JMJD1C: variants seen among roughly 807,000 people sequenced by gnomAD.
JMJD1C encodes jumonji domain containing 1C.
In JMJD1C, 31 loss-of-function variants were observed where a neutral mutation model predicts 245.3. That is an observed-to-expected ratio of 0.13 (90% CI 0.09 to 0.17). The LOEUF is 0.17. Among genes scored for constraint, JMJD1C ranks in the 10% least tolerant of loss-of-function variants. The probability of loss-of-function intolerance (pLI) is 1.00; values close to 1 mark genes in which losing one functional copy is unlikely to be tolerated. For synonymous variants in JMJD1C, 1,057 were observed against 1,017.4 expected, an observed-to-expected ratio of 1.04 and a Z score of -0.74; for missense variants, 2,691 against 3,000.2, an observed-to-expected ratio of 0.90 and a Z score of 2.41.
intron 2 of JMJD1C, among the ~76,000 whole-genome samples, chr10:63,302,194 T>G: frequency 6.6e-6 from 1 of 151,480 alleles, no homozygotes; most frequent in East Asian, 1.9e-4. Flanking sequence ...ATTTAACAGA[T>G]AGTTAGGCTG....
At chr10:63,428,053 T>A in intron 1 of JMJD1C, 1 of 587,210 alleles carries the variant, frequency 1.7e-6, no homozygotes, top group Admixed American at 2.9e-5. Context: ...GCCCTAAAAA[T>A]ACACACAACA....
intron 2 of JMJD1C, among the ~76,000 whole-genome samples, chr10:63,313,337 T>G (rs953935786): frequency 6.6e-6 from 1 of 152,202 alleles, no homozygotes; most frequent in Non-Finnish European, 1.5e-5. Context: ...CTTTATCCAC[T>G]CCTTGATTGA....
chr10:63,485,861 G>T (rs1953976559), intron 1 of JMJD1C, among the ~76,000 whole-genome samples: 1 of 152,134 alleles, frequency 6.6e-6, no homozygotes, highest in South Asian at 2.1e-4. Context: ...GGATCCAAAA[G>T]TGAACAGGAC....
chr10:63,486,776 A>G (rs925652663), intron 1 of JMJD1C, among the ~76,000 whole-genome samples: 5 of 152,276 alleles, frequency 3.3e-5, no homozygotes, highest in South Asian at 2.1e-4. Context: ...ATCTACTCTA[A>G]TATTACCCTA....
intron 1 of JMJD1C, among the ~76,000 whole-genome samples, chr10:63,485,080 AAAAT>A (rs1314745095): frequency 6.6e-6 from 1 of 151,502 alleles, no homozygotes; most frequent in Non-Finnish European, 1.5e-5. Flanking sequence ...CATAAAGATT[AAAAT>A]AAATAATTTA....
At chr10:63,444,618 ACTAT>A (rs1173241021) in intron 1 of JMJD1C, among the ~76,000 whole-genome samples, 11 of 143,252 alleles carry the variant, frequency 7.7e-5, no homozygotes, top group Admixed American at 7.0e-5. Flanking sequence ...CTGAATACCT[ACTAT>A]CTTTTTTTTT....
chr10:63,399,935 TA>T (rs58364547), intron 1 of JMJD1C, among the ~76,000 whole-genome samples: 2 of 151,190 alleles, frequency 1.3e-5, no homozygotes, highest in Non-Finnish European at 1.5e-5. Flanking sequence ...TTCCATTTTT[TA>T]AAAAAAAATA....
At chr10:63,433,586 CTTT>C (rs539696706) in intron 1 of JMJD1C, among the ~76,000 whole-genome samples, 1 of 86,836 alleles carries the variant, frequency 1.2e-5, no homozygotes, top group Non-Finnish European at 2.8e-5. Flanking sequence ...CTTTTCTTTT[CTTT>C]TTTTTTTTTT....
intron 3 of JMJD1C, among the ~76,000 whole-genome samples, chr10:63,245,008 G>A (rs950263118): frequency 2.6e-5 from 4 of 151,726 alleles, no homozygotes; most frequent in African/African-American, 7.2e-5. Context: ...ATGGTGGCAG[G>A]TGCCTGTAAT....
intron 1 of JMJD1C, among the ~76,000 whole-genome samples, chr10:63,505,893 A>G (rs1954704179): frequency 6.8e-6 from 1 of 147,750 alleles, no homozygotes; most frequent in South Asian, 2.2e-4. Flanking sequence ...GGGATTCAGA[A>G]TCGAAGCCTG....
At chr10:63,289,600 T>C (rs1858402593) in intron 2 of JMJD1C, among the ~76,000 whole-genome samples, 1 of 152,222 alleles carries the variant, frequency 6.6e-6, no homozygotes, top group Non-Finnish European at 1.5e-5. Context: ...TGTTTGCATG[T>C]AGTTTAAATT....
chr10:63,235,733 C>G (rs10761727), intron 3 of JMJD1C, among the ~76,000 whole-genome samples: 5 of 151,932 alleles, frequency 3.3e-5, no homozygotes, highest in African/African-American at 1.2e-4. Context: ...TCCAAAATCA[C>G]ACAGCTAGAA....
chr10:63,251,724 G>A (rs1023135523), intron 3 of JMJD1C, among the ~76,000 whole-genome samples: 2 of 152,152 alleles, frequency 1.3e-5, no homozygotes, highest in Admixed American at 6.6e-5. Flanking sequence ...GCTGTCTGTT[G>A]CCCACTTCTT....
chr10:63,247,655 C>A (rs1852402475), intron 3 of JMJD1C, among the ~76,000 whole-genome samples: 1 of 137,568 alleles, frequency 7.3e-6, no homozygotes, highest in Non-Finnish European at 1.5e-5. Context: ...TTGCTTGGGC[C>A]AGAGAGGCGA....
chr10:63,313,113 C>T (rs944272128), intron 2 of JMJD1C, among the ~76,000 whole-genome samples: 2 of 152,108 alleles, frequency 1.3e-5, no homozygotes, highest in Non-Finnish European at 2.9e-5. Flanking sequence ...CCATTTCCCC[C>T]GCAAGGCCCC....
At chr10:63,351,974 T>C (rs915149348) in intron 2 of JMJD1C, among the ~76,000 whole-genome samples, 3 of 152,184 alleles carry the variant, frequency 2.0e-5, no homozygotes, top group Non-Finnish European at 4.4e-5. Context: ...TAGAGAAACC[T>C]ACCTCCATTC....
intron 16 of JMJD1C, among the ~76,000 whole-genome samples, chr10:63,191,448 T>C (rs1234517275): frequency 2.0e-5 from 3 of 152,136 alleles, no homozygotes; most frequent in African/African-American, 4.8e-5. Flanking sequence ...CAAATTTTAA[T>C]TCTATTAAGC....
chr10:63,434,900 C>T (rs908423566), intron 1 of JMJD1C, among the ~76,000 whole-genome samples: 1 of 152,162 alleles, frequency 6.6e-6, no homozygotes, highest in African/African-American at 2.4e-5. Flanking sequence ...ACTGAAAAAA[C>T]TCACAAAGAT....
intron 2 of JMJD1C, among the ~76,000 whole-genome samples, chr10:63,277,084 T>C (rs967953191): frequency 6.6e-6 from 1 of 151,758 alleles, no homozygotes; most frequent in Non-Finnish European, 1.5e-5. Context: ...GGTTTCACCG[T>C]GTTAGCCAGG....
Sources: gnomAD v4.1 joint callset for allele counts (sites outside exome capture counted in the v4.1 genomes callset) on GRCh38, gnomAD v4.1.1 for gene constraint, MANE v1.5 for transcripts, NCBI Gene and HGNC (gene_info 2026-07-23, HGNC 2026-07-21) for gene names.